MACF1: variants seen among roughly 807,000 people sequenced by gnomAD.
MACF1 encodes the protein microtubule-actin cross-linking factor 1.
A neutral mutation model predicts 854.8 loss-of-function variants in MACF1; 193 were observed. The ratio of observed to expected loss-of-function variants is 0.23; its 90% CI spans 0.20 to 0.25. The LOEUF is 0.25. MACF1 is among the 10% of genes least tolerant of loss of function. MACF1 has a pLI of 1.00. For missense variants in MACF1, 7,722 were observed against 8,929.1 expected (o/e 0.86, Z 5.45); for synonymous variants, 3,185 against 3,226.7 (o/e 0.99, Z 0.44).
chr1:39,476,570 CAA>C (rs371894931), intron 97 of MACF1, among the ~76,000 whole-genome samples: 1 of 135,328 alleles, frequency 7.4e-6, no homozygotes, highest in African/African-American at 2.8e-5. Flanking sequence ...GACTCTGTCT[CAA>C]AAAAAAAAAA....
At chr1:39,154,654 T>A (rs899736309) in intron 2 of MACF1, among the ~76,000 whole-genome samples, 4 of 152,176 alleles carry the variant, frequency 2.6e-5, no homozygotes, top group African/African-American at 9.7e-5. Context: ...CTGACAGACT[T>A]GCCCTGTTTC....
At chr1:39,432,508 T>C (rs919829206) in intron 66 of MACF1, 27 bp from the exon 67 acceptor site, 2 of 1,610,550 alleles carry the variant, frequency 1.2e-6, no homozygotes, top group Non-Finnish European at 1.7e-6. Flanking sequence ...ATATAATTTG[T>C]TTATTTTTCT....
chr1:39,381,378 T>TTTGGG (rs1553330389), intron 55 of MACF1, among the ~76,000 whole-genome samples: 1 of 102,050 alleles, frequency 9.8e-6, no homozygotes, highest in Non-Finnish European at 2.1e-5. Context: ...TTTTTTTTTT[T>TTTGGG]GGGGGGGGGG....
chr1:39,265,017 A>G (rs1645214408), intron 6 of MACF1, among the ~76,000 whole-genome samples: 1 of 152,196 alleles, frequency 6.6e-6, no homozygotes, highest in African/African-American at 2.4e-5. Context: ...GTTTTAAGGT[A>G]TAGGTTAAGA....
rs200974304 is a variant in MACF1 at position 39,443,548 on chromosome 1, G to T, written c.19405G>T (p.Ala6469Ser). The T allele has an allele frequency of 1.4e-5, 23 of 1,612,804 alleles. No homozygotes were observed. In the African/African-American group the frequency reaches 2.8e-4, roughly 20 times the overall value. ...SKPTGGLPETAREQLDTHMEL... is the reference protein window; with the variant it reads ...SKPTGGLPETSREQLDTHMEL... Reference sequence around the variant, plus strand: ...GCCCACAGGAGGACTTCCTGAAACTGCTAGGGAACAGCTTGATACACATAT... The same window carrying T: ...GCCCACAGGAGGACTTCCTGAAACTTCTAGGGAACAGCTTGATACACATAT... Residue 6469 changes from alanine to serine, a missense_variant, in exon 79 of 101, where the codon GCT (alanine) becomes TCT (serine). Coordinates refer to ENST00000564288, the MANE Select transcript of MACF1 (RefSeq NM_001394062.1).
intron 2 of MACF1, among the ~76,000 whole-genome samples, chr1:39,087,464 A>G (rs1238697484): frequency 6.6e-6 from 1 of 152,172 alleles, no homozygotes; most frequent in Non-Finnish European, 1.5e-5. Context: ...AAAGCCAAAC[A>G]GGTTTTAGGG....
rs1243501624 is a variant in MACF1, at chr1:39,285,293, T to G, written c.1260-4T>G. On this transcript the variant is annotated splice_region_variant and splice_polypyrimidine_tract_variant and intron_variant, in intron 12 of 100. Transcript: ENST00000564288. Reference sequence around the variant, plus strand: ...CACATGACTATGGTTTTATCTTATTTCAGGCTGGAATTGCTGCTACAGATT... The same window carrying G: ...CACATGACTATGGTTTTATCTTATTGCAGGCTGGAATTGCTGCTACAGATT... 1.2e-6 allele frequency: 2 copies of G among 1,614,076 alleles called. No homozygotes were observed. Among genetic ancestry groups the G allele is most frequent in the Non-Finnish European group, 1.7e-6 (2 of 1,180,040 alleles).
At chr1:39,357,234 C>T (rs971802364) in intron 44 of MACF1, 141 bp from the exon 45 acceptor site, 3 of 885,648 alleles carry the variant, frequency 3.4e-6, no homozygotes, top group Middle Eastern at 2.3e-4. Context: ...AGGTGTATGA[C>T]TTGACAGCAA....
Position 39,211,125 on chromosome 1 carries a change from C to T in MACF1, c.109+5994C>T, listed in dbSNP as rs1315515251. 1.3e-5 allele frequency among the ~76,000 whole-genome samples: 2 copies of T among 151,988 alleles called. 1 individual carries two copies. Among genetic ancestry groups the T allele is most frequent in the Admixed American group, 1.3e-4 (2 of 15,234 alleles). On this transcript the variant is annotated intron_variant, in intron 1 of 100. Coordinates refer to ENST00000564288, the MANE Select transcript of MACF1 (RefSeq NM_001394062.1). Reference sequence around the variant, plus strand: ...GGGATTACAGGTGTCTGCCACCACACCCAGTTTAATTTTTGTATTTTTAGT... The same window carrying T: ...GGGATTACAGGTGTCTGCCACCACATCCAGTTTAATTTTTGTATTTTTAGT...
In MACF1 at chr1:39,283,461, G is replaced by A. The variant is rs150686066; in HGVS notation, c.861G>A (p.Ser287=). 3.7e-6 allele frequency: 6 copies of A among 1,612,774 alleles called. No individual in the cohort carries two copies. The highest frequency in any genetic ancestry group is 2.2e-5 in the South Asian group (2 of 91,024). The part of the protein sequence containing the change: ...DEKSVITYVS[S]IYDAFPKVPE... Reference sequence around the variant, plus strand: ...AGTCTGTAATCACTTATGTGTCTTCGATTTATGATGCCTTCCCTAAAGTTC... The same window carrying A: ...AGTCTGTAATCACTTATGTGTCTTCAATTTATGATGCCTTCCCTAAAGTTC... Residue 287 remains serine, a synonymous_variant, in exon 9 of 101, where the codon TCG becomes TCA. Coordinates refer to ENST00000564288, the MANE Select transcript of MACF1 (RefSeq NM_001394062.1). This position sits in a 1 kb window ranked among gnomAD's most constrained non-coding sequence, Gnocchi z 4.5.
Position 39,424,116 on chromosome 1 carries a change from C to T in MACF1, c.16238C>T (p.Ala5413Val). ...GGRIAQSAEL[A>V]DREKITGQLE... ...AGAATAGCCCAGTCAGCAGAGCTGG[C>T]TGATAGAGAGAAAATCACTGGACAG... Residue 5413 changes from alanine to valine, a missense_variant, in exon 61 of 101, where the codon GCT (alanine) becomes GTT (valine). This residue lies in a region of MACF1 where 2,807 missense variants were observed against 3,235.8 expected (regional missense o/e 0.87). Transcript: ENST00000564288. 6.2e-7 allele frequency: 1 copy of T among 1,612,776 alleles called. No homozygotes were observed. Among genetic ancestry groups the T allele is most frequent in the Non-Finnish European group, 8.5e-7 (1 of 1,179,752 alleles).
At chr1:39,438,785 A>T (rs1474763083) in intron 71 of MACF1, among the ~76,000 whole-genome samples, 3 of 150,318 alleles carry the variant, frequency 2.0e-5, no homozygotes, top group African/African-American at 7.3e-5. Flanking sequence ...CTCTCTAAAA[A>T]AAGAAATAAA....
chr1:39,453,629 T>C, intron 87 of MACF1, 78 bp from the exon 88 acceptor site: 1 of 1,266,208 alleles, frequency 7.9e-7, no homozygotes. Context: ...CATTGAAATT[T>C]ATCCCCCCTC....
intron 51 of MACF1, 71 bp downstream of exon 51, chr1:39,370,257 G>A: frequency 1.5e-6 from 2 of 1,343,018 alleles, no homozygotes; most frequent in Admixed American, 2.7e-5. Flanking sequence ...CTGGTCTCCA[G>A]CTGTGGTGGG....
At chr1:39,162,360 C>T (rs2148210005) in intron 2 of MACF1, among the ~76,000 whole-genome samples, 1 of 152,268 alleles carries the variant, frequency 6.6e-6, no homozygotes, top group African/African-American at 2.4e-5. Flanking sequence ...CCCAACATAC[C>T]TATGTAATTT....
At chr1:39,319,632 C>G (rs1485228278) in intron 30 of MACF1, 32 bp from the exon 31 acceptor site, 1 of 1,404,256 alleles carries the variant, frequency 7.1e-7, no homozygotes, top group South Asian at 1.2e-5. Context: ...GTGGTAATGG[C>G]AATGATAATG....
intron 14 of MACF1, among the ~76,000 whole-genome samples, chr1:39,286,911 A>G (rs559044782): frequency 6.6e-6 from 1 of 152,344 alleles, no homozygotes; most frequent in African/African-American, 2.4e-5. Context: ...TTGTATTCAT[A>G]TAACACTTTC....
At position 39,388,101 on chromosome 1, in the gene MACF1, T is replaced by C; in HGVS notation, c.15259T>C (p.Ser5087Pro). Reference protein sequence around the residue: ...VEDAPDGSDASQLLHQAEVAQ... With the variant: ...VEDAPDGSDAPQLLHQAEVAQ... ...AGATGCCCCAGATGGATCTGATGCT[T>C]CTCAACTTCTCCACCAAGCTGAGGT... Residue 5087 changes from serine (S) to proline (P), a missense_variant, in exon 58 of 101, where the codon TCT becomes CCT. By Grantham distance (74) the Ser-to-Pro change is moderately conservative. This residue lies in a region of MACF1 where 2,807 missense variants were observed against 3,235.8 expected (regional missense o/e 0.87). Coordinates refer to ENST00000564288, the MANE Select transcript of MACF1 (RefSeq NM_001394062.1). 1 of 1,614,058 alleles carries C rather than the reference T, an allele frequency of 6.2e-7. No homozygotes were observed. Among genetic ancestry groups the C allele is most frequent in the Non-Finnish European group, 8.5e-7 (1 of 1,180,000 alleles).
chr1:39,252,526 A>C (rs1227732715), intron 4 of MACF1, among the ~76,000 whole-genome samples: 2 of 152,214 alleles, frequency 1.3e-5, no homozygotes, highest in African/African-American at 4.8e-5. Context: ...GGTACATATG[A>C]GTAAAGATTA....
Sources: gnomAD v4.1 joint callset for allele counts (sites outside exome capture counted in the v4.1 genomes callset) on GRCh38, gnomAD v4.1.1 for gene constraint, gnomAD v4.1.1 regional missense constraint, Gnocchi (gnomAD v3.1) non-coding constraint, MANE v1.5 for transcripts, NCBI Gene and HGNC (gene_info 2026-07-23, HGNC 2026-07-21) for gene names.